The following CCDC126 variants were observed in gnomAD, a reference collection of about 807,000 sequenced individuals.
The protein encoded by CCDC126 is coiled-coil domain-containing protein 126.
In CCDC126, 5 loss-of-function variants were observed where a neutral mutation model predicts 11.7. The ratio of observed to expected loss-of-function variants is 0.43; its 90% CI spans 0.22 to 0.90. The LOEUF is 0.90. Ranked by LOEUF, CCDC126 falls within the 40% of genes least tolerant of loss-of-function variation. The pLI is 0.27. For synonymous variants in CCDC126, 60 were observed against 61.9 expected, an observed-to-expected ratio of 0.97 and a Z score of 0.14; for missense variants, 150 against 163.1, an observed-to-expected ratio of 0.92 and a Z score of 0.44.
At chr7:23,640,188 A>AAAT (rs550374161) in intron 3 of CCDC126, among the ~76,000 whole-genome samples, 5,930 of 149,434 alleles carry the variant, frequency 0.04, 171 homozygotes, top group Middle Eastern at 0.059. Context: ...GTCTCAAAAA[A>AAAT]AATAATAATA....
intron 3 of CCDC126, among the ~76,000 whole-genome samples, chr7:23,640,028 C>A (rs1342456408): frequency 6.6e-6 from 1 of 151,450 alleles, no homozygotes; most frequent in East Asian, 1.9e-4. Context: ...ACTAAAAATA[C>A]AAAAATTAGC....
intron 3 of CCDC126, among the ~76,000 whole-genome samples, chr7:23,625,799 G>A (rs899638626): frequency 1.8e-4 from 27 of 151,810 alleles, no homozygotes; most frequent in Admixed American, 1.3e-3. Flanking sequence ...GGGACTACAG[G>A]CGCCCGCCAC....
intron 3 of CCDC126, among the ~76,000 whole-genome samples, chr7:23,638,137 G>T (rs1783275906): frequency 6.7e-6 from 1 of 149,712 alleles, no homozygotes; most frequent in South Asian, 2.1e-4. Context: ...TCCGGGAGGA[G>T]AGGGGCGCTT....
intron 3 of CCDC126, among the ~76,000 whole-genome samples, chr7:23,639,499 C>A (rs1783317093): frequency 6.6e-6 from 1 of 152,134 alleles, no homozygotes; most frequent in African/African-American, 2.4e-5. Flanking sequence ...GCCATCGCAC[C>A]CAGTCCTCTT....
At position 23,606,935 on chromosome 7, in the gene CCDC126, A is replaced by C. The variant is rs145088007; in HGVS notation, c.-145-4236A>C. ...ACGTAATGAGACCCCTCTAAAAAAAAAAAAGTACAAAAATTAGCTAGGCCT... is the reference window on the plus strand; with the variant it reads ...ACGTAATGAGACCCCTCTAAAAAAACAAAAGTACAAAAATTAGCTAGGCCT... On this transcript the variant is annotated intron_variant, in intron 2 of 3. Transcript: ENST00000307471. Among the ~76,000 whole-genome samples, 6 of 152,056 alleles carry C rather than the reference A, an allele frequency of 3.9e-5. No homozygotes were observed. In the East Asian group the frequency reaches 1.2e-3, roughly 29 times the overall value.
Position 23,611,342 on chromosome 7 carries a change from T to C in CCDC126, c.27T>C (p.Asn9=). ...TGTTTTTTACAATCTCAAGAAAAAATATGTCCCAGAAATTGAGTTTACTGT... is the reference window on the plus strand; with the variant it reads ...TGTTTTTTACAATCTCAAGAAAAAACATGTCCCAGAAATTGAGTTTACTGT... The part of the protein sequence containing the change: MFFTISRK[N]MSQKLSLLLL... The change falls in exon 3 of 4, where the codon AAT becomes AAC. Residue 9 remains asparagine (N), a synonymous_variant. Coordinates refer to ENST00000307471, the MANE Select transcript of CCDC126 (RefSeq NM_138771.4). The C allele has an allele frequency of 6.2e-7, 1 of 1,612,558 alleles. No homozygotes were observed. The highest frequency in any genetic ancestry group is 8.5e-7 in the Non-Finnish European group (1 of 1,178,890).
intron 3 of CCDC126, among the ~76,000 whole-genome samples, chr7:23,617,256 G>A (rs1427267543): frequency 1.4e-5 from 2 of 146,964 alleles, no homozygotes; most frequent in South Asian, 2.2e-4. Context: ...GCTGAGGCAG[G>A]AGAATCACTT....
chr7:23,602,907 C>G (rs1249537076), intron 2 of CCDC126, among the ~76,000 whole-genome samples: 1 of 151,932 alleles, frequency 6.6e-6, no homozygotes, highest in South Asian at 2.1e-4. Flanking sequence ...TCCTGTCTTT[C>G]ATATCTTGCT....
At chr7:23,634,603 C>T (rs919486802) in intron 3 of CCDC126, among the ~76,000 whole-genome samples, 3 of 152,174 alleles carry the variant, frequency 2.0e-5, no homozygotes, top group Admixed American at 1.3e-4. Context: ...TGTTCTATTT[C>T]TCAAGGAAGA....
Position 23,644,353 on chromosome 7 carries a change from G to A in CCDC126, c.*1238G>A, listed in dbSNP as rs762380877. On this transcript the variant is annotated 3_prime_UTR_variant, in exon 4 of 4. Coordinates refer to ENST00000307471, the MANE Select transcript of CCDC126 (RefSeq NM_138771.4). ...GTAGCAAATCTAATTGCCACATGGT[G>A]CCCTATATTTCATAGTATTTATTCT... 2 of 152,350 alleles carry A rather than the reference G, an allele frequency of 1.3e-5. No homozygotes were observed. Among genetic ancestry groups the A allele is most frequent in the Non-Finnish European group, 2.9e-5 (2 of 67,912 alleles). The allele number at this position is 152,350 out of a possible 1,614,324, so 9.4% of individuals were successfully genotyped here. A position where few individuals can be genotyped will look rare whatever the true frequency, so the allele number is the denominator to read the frequency against.
chr7:23,604,094 G>A (rs921434194), intron 2 of CCDC126: 1 of 152,180 alleles, frequency 6.6e-6, no homozygotes, highest in Non-Finnish European at 1.5e-5. Flanking sequence ...AGACTACTTG[G>A]AAGATGAACT....
intron 3 of CCDC126, among the ~76,000 whole-genome samples, chr7:23,620,683 G>C (rs1262467940): frequency 1.3e-5 from 2 of 152,124 alleles, no homozygotes; most frequent in African/African-American, 2.4e-5. Flanking sequence ...TATTGCCTAG[G>C]TTTTCTTCTA....
intron 3 of CCDC126, among the ~76,000 whole-genome samples, chr7:23,631,143 A>G (rs547964170): frequency 6.6e-6 from 1 of 152,252 alleles, no homozygotes; most frequent in Non-Finnish European, 1.5e-5. Context: ...AAAAAGGGAA[A>G]TGGTGAAGAT....
chr7:23,597,741 C>T (rs1403205583), intron 1 of CCDC126, 136 bp downstream of exon 1: 1 of 152,342 alleles, frequency 6.6e-6, no homozygotes, highest in African/African-American at 2.4e-5. Context: ...GGAAACCCGG[C>T]TTAGGAACGG....
At chr7:23,621,565 C>A (rs1391744144) in intron 3 of CCDC126, among the ~76,000 whole-genome samples, 1 of 152,134 alleles carries the variant, frequency 6.6e-6, no homozygotes, top group Non-Finnish European at 1.5e-5. Flanking sequence ...ATTGAATACT[C>A]TTTATTTCTT....
intron 3 of CCDC126, among the ~76,000 whole-genome samples, chr7:23,617,644 A>G (rs1782818141): frequency 6.6e-6 from 1 of 152,098 alleles, no homozygotes. Flanking sequence ...AGCCTGCAGT[A>G]AGGGCACAGT....
At chr7:23,601,328 C>G (rs1782539659) in intron 2 of CCDC126, among the ~76,000 whole-genome samples, 1 of 152,128 alleles carries the variant, frequency 6.6e-6, no homozygotes, top group South Asian at 2.1e-4. Flanking sequence ...GAGATCAAGG[C>G]TCAGTGAGCT....
chr7:23,631,026 T>A (rs1783101331), intron 3 of CCDC126, among the ~76,000 whole-genome samples: 2 of 152,036 alleles, frequency 1.3e-5, no homozygotes, highest in East Asian at 3.9e-4. Context: ...AAATTTAGAT[T>A]TATGCACTAA....
intron 3 of CCDC126, among the ~76,000 whole-genome samples, chr7:23,635,764 A>G (rs1391688231): frequency 1.3e-5 from 2 of 152,202 alleles, no homozygotes; most frequent in African/African-American, 2.4e-5. Flanking sequence ...CCTGACTGAA[A>G]TAAGTGATTA....
Sources: gnomAD v4.1 joint callset for allele counts (sites outside exome capture counted in the v4.1 genomes callset) on GRCh38, gnomAD v4.1.1 for gene constraint, MANE v1.5 for transcripts, NCBI Gene and HGNC (gene_info 2026-07-23, HGNC 2026-07-21) for gene names.